The following PTPN9 variants were observed in gnomAD, a reference collection of about 807,000 sequenced individuals.
The protein encoded by PTPN9 is protein tyrosine phosphatase non-receptor type 9.
Under a neutral mutation model 69.8 loss-of-function variants are expected in PTPN9, and 26 were observed. The observed-to-expected ratio is 0.37, with a 90% CI of 0.27 to 0.52. The LOEUF (loss-of-function observed/expected upper bound fraction) is 0.52, where lower values mean the gene tolerates loss of function less well. Ranked by LOEUF, PTPN9 falls within the 20% of genes least tolerant of loss-of-function variation. The probability of loss-of-function intolerance (pLI) is 0.91; values close to 1 mark genes in which losing one functional copy is unlikely to be tolerated. For synonymous variants in PTPN9, 274 were observed against 272.5 expected (o/e 1.01, Z -0.05); for missense variants, 549 against 740.3 (o/e 0.74, Z 3.00).
In PTPN9 at chr15:75,470,755, G is replaced by A. The variant is rs1595944299; in HGVS notation, c.1284C>T (p.Phe428=). The A allele has an allele frequency of 6.2e-7, 1 of 1,614,216 alleles. No homozygotes were observed. Among genetic ancestry groups the A allele is most frequent in the African/African-American group, 1.3e-5 (1 of 75,046 alleles). ...LEKDSRIRFG[F]LTVTNLGVEN... ...CCACGCCTAGATTGGTCACTGTGAG[G>A]AAGCCAAATCGGATCCGAGAGTCTT... is the stretch of plus-strand genomic sequence containing the variant. The change falls in exon 11 of 13, where the codon TTC becomes TTT. Residue 428 remains phenylalanine (F), a synonymous_variant. Coordinates refer to ENST00000618819, the MANE Select transcript of PTPN9 (RefSeq NM_002833.4).
intron 7 of PTPN9, 35 bp downstream of exon 7, chr15:75,505,640 G>A (rs1232604343): frequency 6.4e-7 from 1 of 1,550,938 alleles, no homozygotes; most frequent in African/African-American, 1.4e-5. Flanking sequence ...AAGCATCCTG[G>A]TAACCAGCTG....
At chr15:75,534,710 C>G (rs533829827) in intron 1 of PTPN9, among the ~76,000 whole-genome samples, 16 of 149,262 alleles carry the variant, frequency 1.1e-4, no homozygotes, top group Admixed American at 2.0e-4. Flanking sequence ...CAATGGTTCA[C>G]GCCTATAATC....
At chr15:75,507,455 A>C (rs1179799924) in intron 6 of PTPN9, among the ~76,000 whole-genome samples, 1 of 148,554 alleles carries the variant, frequency 6.7e-6, no homozygotes, top group Non-Finnish European at 1.5e-5. Context: ...GCAAAAAAAA[A>C]AAAAAAAAAA....
intron 8 of PTPN9, 48 bp downstream of exon 8, chr15:75,490,160 G>T: frequency 2.2e-6 from 3 of 1,374,346 alleles, no homozygotes; most frequent in Non-Finnish European, 3.1e-6. Context: ...TTTGGAAGAA[G>T]CTCTATTTCC....
At chr15:75,502,022 T>C (rs996824391) in intron 7 of PTPN9, among the ~76,000 whole-genome samples, 2 of 151,864 alleles carry the variant, frequency 1.3e-5, no homozygotes, top group African/African-American at 4.8e-5. Flanking sequence ...CTGGACATAG[T>C]GGCACATACC....
intron 10 of PTPN9, among the ~76,000 whole-genome samples, chr15:75,471,473 G>A (rs1431435794): frequency 1.3e-5 from 2 of 151,788 alleles, no homozygotes; most frequent in African/African-American, 4.8e-5. Context: ...CATGGTGGTG[G>A]GTACCTGTAG....
At chr15:75,512,986 T>C (rs2141314979) in intron 5 of PTPN9, 2 of 399,676 alleles carry the variant, frequency 5.0e-6, no homozygotes, top group Non-Finnish European at 4.9e-6. Context: ...TAAGTTTCAC[T>C]GTCACTGGCT....
chr15:75,510,387 G>A (rs376120315), intron 5 of PTPN9, among the ~76,000 whole-genome samples: 23 of 151,994 alleles, frequency 1.5e-4, no homozygotes, highest in African/African-American at 5.1e-4. Flanking sequence ...CTGGGACTGC[G>A]CCACTACACT....
rs554203417 is a variant in PTPN9, at chr15:75,504,400, C to T, written c.968+1275G>A. On this transcript the variant is annotated intron_variant, in intron 7 of 12. Transcript: ENST00000618819. Reference sequence around the variant, plus strand: ...GGGAGGTGGGGGGCTCAGCCCCCCGCCCGGCCAGCCGACCCGTCCGGGAGG... The same window carrying T: ...GGGAGGTGGGGGGCTCAGCCCCCCGTCCGGCCAGCCGACCCGTCCGGGAGG... 6.2e-5 allele frequency among the ~76,000 whole-genome samples: 8 copies of T among 129,616 alleles called. No homozygotes were observed. In the South Asian group the frequency reaches 1.8e-3, roughly 28 times the overall value. The allele number at this position is 129,616 out of a possible 152,430, so 85.0% of individuals were successfully genotyped here.
chr15:75,577,493 T>TA lies in PTPN9; in HGVS notation c.63+1220dup, dbSNP rs560981898. 1.6e-4 allele frequency among the ~76,000 whole-genome samples: 25 copies of TA among 152,304 alleles called. 1 individual carries two copies. In the South Asian group the frequency reaches 5.0e-3, roughly 30 times the overall value. ...TGCTTGTACAAAGCAGAATTCTTTT[T>TA]AAATTTTTTTCCCATACAGATTTCA... On this transcript the variant is annotated intron_variant, in intron 1 of 12. Coordinates refer to ENST00000618819, the MANE Select transcript of PTPN9 (RefSeq NM_002833.4).
At chr15:75,540,286 C>G (rs1316068231) in intron 1 of PTPN9, among the ~76,000 whole-genome samples, 1 of 152,080 alleles carries the variant, frequency 6.6e-6, no homozygotes, top group Non-Finnish European at 1.5e-5. Flanking sequence ...TGTGGCCGGG[C>G]ATGTTGGCTC....
intron 1 of PTPN9, among the ~76,000 whole-genome samples, chr15:75,562,692 T>A (rs1279876940): frequency 7.1e-6 from 1 of 141,760 alleles, no homozygotes; most frequent in Non-Finnish European, 1.5e-5. Context: ...ATTAGCCGGG[T>A]GTGGTGGCGG....
intron 10 of PTPN9, among the ~76,000 whole-genome samples, chr15:75,473,093 A>G (rs1294478191): frequency 6.6e-6 from 1 of 152,206 alleles, no homozygotes; most frequent in African/African-American, 2.4e-5. Flanking sequence ...TTTAGTGGAT[A>G]AGGCCAGGAC....
At chr15:75,501,719 A>G (rs1400354832) in intron 7 of PTPN9, among the ~76,000 whole-genome samples, 1 of 152,044 alleles carries the variant, frequency 6.6e-6, no homozygotes, top group African/African-American at 2.4e-5. Flanking sequence ...CTTTACTCCC[A>G]AAGTGCTGGG....
chr15:75,536,492 G>A (rs779941929), intron 1 of PTPN9, among the ~76,000 whole-genome samples: 10 of 152,134 alleles, frequency 6.6e-5, no homozygotes, highest in Non-Finnish European at 1.3e-4. Context: ...AATTTTTTTA[G>A]GAGTGCCTTG....
intron 1 of PTPN9, among the ~76,000 whole-genome samples, chr15:75,532,392 ACT>A (rs775744455): frequency 1.7e-4 from 26 of 151,064 alleles, no homozygotes; most frequent in Admixed American, 4.0e-4. Context: ...ACAGTGCGAG[ACT>A]CTGTCTCAAA....
chr15:75,526,002 CTT>C (rs1001242181), intron 2 of PTPN9, among the ~76,000 whole-genome samples: 6 of 142,604 alleles, frequency 4.2e-5, no homozygotes, highest in Non-Finnish European at 6.2e-5. Context: ...TTTTCTCTTT[CTT>C]TTTTTTTTTT....
chr15:75,572,774 A>C (rs1451609765), intron 1 of PTPN9, among the ~76,000 whole-genome samples: 1 of 152,208 alleles, frequency 6.6e-6, no homozygotes, highest in African/African-American at 2.4e-5. Flanking sequence ...CAAAAGAACA[A>C]GAAGATATAA....
intron 1 of PTPN9, among the ~76,000 whole-genome samples, chr15:75,553,107 G>A (rs2075062848): frequency 6.6e-6 from 1 of 152,024 alleles, no homozygotes; most frequent in South Asian, 2.1e-4. Context: ...AATTGCAAGA[G>A]GGGAGAAAAG....
Sources: gnomAD v4.1 joint callset for allele counts (sites outside exome capture counted in the v4.1 genomes callset) on GRCh38, gnomAD v4.1.1 for gene constraint, MANE v1.5 for transcripts, NCBI Gene and HGNC (gene_info 2026-07-23, HGNC 2026-07-21) for gene names.